Variants in ZFPM1 observed in about 807,000 individuals in gnomAD.
ZFPM1 encodes the protein zinc finger protein ZFPM1.
ZFPM1 carries 28 observed loss-of-function variants against 46.3 expected under a neutral mutation model. The ratio of observed to expected loss-of-function variants is 0.60; its 90% confidence interval spans 0.45 to 0.83. The LOEUF is 0.83. Ranked by LOEUF, ZFPM1 falls within the 40% of genes least tolerant of loss-of-function variation. ZFPM1 has a pLI of 0.00. For synonymous variants in ZFPM1, 957 were observed against 675.9 expected, an observed-to-expected ratio of 1.42 and a Z score of -6.45; for missense variants, 1,878 against 1,432.4, an observed-to-expected ratio of 1.31 and a Z score of -5.02.
At position 88,536,117 on chromosome 16, in the gene ZFPM1, A is replaced by G. The variant is rs1913236252; in HGVS notation, c.*1138A>G. On this transcript the variant is annotated 3_prime_UTR_variant, in exon 10 of 10. Coordinates refer to ENST00000319555, the MANE Select transcript of ZFPM1 (RefSeq NM_153813.3). ...GCTACAGGTGTACACCACCATGCCCAGCTAGTTTTTGTGTTTTTTGTAGAA... is the reference window on the plus strand; with the variant it reads ...GCTACAGGTGTACACCACCATGCCCGGCTAGTTTTTGTGTTTTTTGTAGAA... The G allele has an allele frequency of 6.6e-6, 1 of 151,984 alleles. No homozygotes were observed. Among genetic ancestry groups the G allele is most frequent in the Admixed American group, 6.6e-5 (1 of 15,266 alleles). 9.4% of individuals were successfully genotyped at this position (151,984 alleles called of 1,614,324 possible).
Position 88,533,849 on chromosome 16 carries a change from G to A in ZFPM1, c.1891G>A (p.Glu631Lys), listed in dbSNP as rs1913021456. ...PARAPPGQPA[E>K]PDAPRSSPGP... ...CCGCGCGCCCCCCGGCCAGCCCGCC[G>A]AACCCGACGCGCCGCGCTCGTCCCC... The change falls in exon 10 of 10, where the codon GAA becomes AAA. Residue 631 changes from glutamate (E) to lysine (K), a missense_variant. Glu to Lys is a moderately conservative substitution (Grantham distance 56). Coordinates refer to ENST00000319555, the MANE Select transcript of ZFPM1 (RefSeq NM_153813.3). The A allele has an allele frequency of 1.0e-6, 1 of 983,474 alleles. No homozygotes were observed. The highest frequency in any genetic ancestry group is 1.2e-6 in the Non-Finnish European group (1 of 830,800). The allele number at this position is 983,474 out of a possible 1,614,324, so 60.9% of individuals were successfully genotyped here.
chr16:88,530,775 C>T (rs989673184), intron 6 of ZFPM1, among the ~76,000 whole-genome samples: 2 of 152,234 alleles, frequency 1.3e-5, no homozygotes, highest in Non-Finnish European at 2.9e-5. Context: ...CCTCCCAGGT[C>T]TGGGACCCAG....
At chr16:88,458,395 G>A (rs1037879330) in intron 1 of ZFPM1, among the ~76,000 whole-genome samples, 1 of 152,206 alleles carries the variant, frequency 6.6e-6, no homozygotes, top group Non-Finnish European at 1.5e-5. Context: ...TGGGACTGCC[G>A]TCAGCCCCGC....
chr16:88,475,999 G>A (rs995728310), intron 1 of ZFPM1, among the ~76,000 whole-genome samples: 1 of 152,180 alleles, frequency 6.6e-6, no homozygotes, highest in Non-Finnish European at 1.5e-5. Flanking sequence ...CTGAGGGGGT[G>A]TGGGTGCAGA....
At chr16:88,527,067 C>T in intron 5 of ZFPM1, 151 bp downstream of exon 5, 2 of 1,293,324 alleles carry the variant, frequency 1.5e-6, no homozygotes, top group South Asian at 1.5e-5. Flanking sequence ...CAGCATGAGG[C>T]AGACACTCTA....
chr16:88,487,838 C>T (rs999424590), intron 2 of ZFPM1, among the ~76,000 whole-genome samples: 1 of 152,204 alleles, frequency 6.6e-6, no homozygotes, highest in African/African-American at 2.4e-5. Context: ...TCTCCCCTAG[C>T]TCACCCAGGG....
At chr16:88,530,474 A>T (rs1458530372) in intron 6 of ZFPM1, 1 of 152,170 alleles carries the variant, frequency 6.6e-6, no homozygotes, top group African/African-American at 2.4e-5. Flanking sequence ...TGCGGCTGCC[A>T]GGGCACGGCC....
intron 3 of ZFPM1, among the ~76,000 whole-genome samples, chr16:88,502,068 T>G (rs1405368005): frequency 7.6e-5 from 3 of 39,488 alleles, no homozygotes; most frequent in African/African-American, 2.0e-4. Flanking sequence ...CCCCCCCCAT[T>G]TATTTATTTA....
At position 88,534,197 on chromosome 16, in the gene ZFPM1, T is replaced by C. The variant is rs1258572749; in HGVS notation, c.2239T>C (p.Tyr747His). The stretch of plus-strand genomic sequence containing the variant: ...GCGCACGCGCAGACGCCGCAAGCTC[T>C]ACGAGCTGCACGCGGCCGGCGCCCC... ...PVRTRRRRKL[Y>H]ELHAAGAPPP... The change falls in exon 10 of 10, where the codon TAC becomes CAC. Residue 747 changes from tyrosine (Y) to histidine (H), a missense_variant. Coordinates refer to ENST00000319555, the MANE Select transcript of ZFPM1 (RefSeq NM_153813.3). The C allele has an allele frequency of 1.3e-5, 13 of 976,302 alleles. No homozygotes were observed. The African/African-American group carries it at 2.4e-4, about 18-fold the overall frequency. The allele number at this position is 976,302 out of a possible 1,614,324, so 60.5% of individuals were successfully genotyped here.
intron 2 of ZFPM1, among the ~76,000 whole-genome samples, chr16:88,487,472 CT>C (rs1376375395): frequency 6.6e-6 from 1 of 152,204 alleles, no homozygotes; most frequent in Non-Finnish European, 1.5e-5. Context: ...GGGGCTGCCC[CT>C]GACGGGCGGA....
chr16:88,482,418 G>A lies in ZFPM1; in HGVS notation c.41-3521G>A, dbSNP rs184613751. Reference sequence around the variant, plus strand: ...AGTTGTCTCCTGCATTATCAGAGCCGTTTTAATTGTGCTGGAACTGAAATT... The same window carrying A: ...AGTTGTCTCCTGCATTATCAGAGCCATTTTAATTGTGCTGGAACTGAAATT... On this transcript the variant is annotated intron_variant, in intron 1 of 9. Coordinates refer to ENST00000319555, the MANE Select transcript of ZFPM1 (RefSeq NM_153813.3). Among the ~76,000 whole-genome samples the A allele has an allele frequency of 2.6e-3, 396 of 152,264 alleles. 1 individual carries two copies. The highest frequency in any genetic ancestry group is 4.5e-3 in the Non-Finnish European group (303 of 67,996).
In ZFPM1 at chr16:88,533,068, C is replaced by G. The variant is rs1320722430; in HGVS notation, c.1190-80C>G. 2.7e-6 allele frequency: 4 copies of G among 1,469,986 alleles called. No homozygotes were observed. In the South Asian group the frequency reaches 4.1e-5, roughly 15 times the overall value. The allele number at this position is 1,469,986 out of a possible 1,614,324, so 91.1% of individuals were successfully genotyped here. On this transcript the variant is annotated intron_variant, in intron 9 of 9. Transcript: ENST00000319555. ...TAAACCACTCCCGCCCACCCCTCCC[C>G]TTCCGGAGCTCGCCCTCCAGCTCTG...
At chr16:88,454,404 A>T (rs1907442597) in intron 1 of ZFPM1, among the ~76,000 whole-genome samples, 1 of 152,172 alleles carries the variant, frequency 6.6e-6, no homozygotes, top group Non-Finnish European at 1.5e-5. Context: ...CAAGTGTCCC[A>T]GCCAAGGCGG....
intron 2 of ZFPM1, 99 bp downstream of exon 2, chr16:88,486,142 G>T (rs1162672582): frequency 1.6e-6 from 2 of 1,252,238 alleles, no homozygotes; most frequent in African/African-American, 1.5e-5. Flanking sequence ...AGAGGTGTGG[G>T]CCAACTATAT....
chr16:88,475,758 C>T (rs544547314), intron 1 of ZFPM1, among the ~76,000 whole-genome samples: 1 of 152,320 alleles, frequency 6.6e-6, no homozygotes, highest in Admixed American at 6.5e-5. Flanking sequence ...ACTGTTAGTT[C>T]CTCTGCTTAG....
At chr16:88,526,401 G>A (rs575326024) in intron 4 of ZFPM1, among the ~76,000 whole-genome samples, 97 of 152,204 alleles carry the variant, frequency 6.4e-4, no homozygotes, top group Admixed American at 1.1e-3. Flanking sequence ...TGGGAACAGC[G>A]GTTTCACACC....
chr16:88,532,573 A>T, intron 7 of ZFPM1, 41 bp from the exon 8 acceptor site: 1 of 1,539,304 alleles, frequency 6.5e-7, no homozygotes, highest in Non-Finnish European at 8.8e-7. Context: ...TCCCAAGGTT[A>T]AGCTGGCCCG....
chr16:88,467,440 G>A (rs1048500446), intron 1 of ZFPM1, among the ~76,000 whole-genome samples: 8 of 152,128 alleles, frequency 5.3e-5, no homozygotes, highest in Non-Finnish European at 1.0e-4. Context: ...AGGGCTTCTC[G>A]AGGAAGGAGC....
rs761384419 is a variant in ZFPM1 at position 88,534,864 on chromosome 16, C to A, written c.2906C>A (p.Pro969His). 6.4e-7 allele frequency: 1 copy of A among 1,567,202 alleles called. No individual in the cohort carries two copies. Among genetic ancestry groups the A allele is most frequent in the Non-Finnish European group, 8.6e-7 (1 of 1,162,840 alleles). Reference protein sequence around the residue: ...TPSKGTPAPLPNGNHRYCRLC... With the variant: ...TPSKGTPAPLHNGNHRYCRLC... ...AGCAAGGGCACGCCGGCGCCGCTGC[C>A]CAACGGCAACCACCGGTACTGCCGT... Residue 969 changes from proline (P) to histidine (H), a missense_variant, in exon 10 of 10, where the codon CCC becomes CAC. Physicochemically the swap from Pro to His is moderately conservative, Grantham distance 77. Transcript: ENST00000319555.
Sources: gnomAD v4.1 joint callset for allele counts (sites outside exome capture counted in the v4.1 genomes callset) on GRCh38, gnomAD v4.1.1 for gene constraint, MANE v1.5 for transcripts, NCBI Gene and HGNC (gene_info 2026-07-23, HGNC 2026-07-21) for gene names.